FHAD1: variants seen among roughly 807,000 people sequenced by gnomAD.
FHAD1 encodes forkhead associated phosphopeptide binding domain 1.
Under a neutral mutation model 191.3 loss-of-function variants are expected in FHAD1, and 146 were observed. That is an observed-to-expected ratio of 0.76 (90% CI 0.67 to 0.88). FHAD1 has a LOEUF of 0.88. Ranked by LOEUF, FHAD1 falls within the 40% of genes least tolerant of loss-of-function variation. The pLI is 0.00. For synonymous variants in FHAD1, 616 were observed against 672.3 expected (o/e 0.92, Z 1.29); for missense variants, 1,635 against 1,785.8 (o/e 0.92, Z 1.52).
intron 24 of FHAD1, among the ~76,000 whole-genome samples, chr1:15,366,574 TC>T (rs2102764181): frequency 6.6e-6 from 1 of 152,338 alleles, no homozygotes; most frequent in African/African-American, 2.4e-5. Flanking sequence ...TCCTGGGATC[TC>T]CCTGCAGCAG....
intron 32 of FHAD1, 73 bp from the exon 33 acceptor site, chr1:15,391,137 T>C (rs745795431): frequency 1.1e-5 from 9 of 849,662 alleles, no homozygotes; most frequent in Non-Finnish European, 1.4e-5. Flanking sequence ...TGGAGAAAAA[T>C]CCATTTTTCT....
At chr1:15,244,085 G>A (rs764552690), upstream of FHAD1, among the ~76,000 whole-genome samples, 6 of 151,512 alleles carry the variant, frequency 4.0e-5, no homozygotes, top group East Asian at 3.9e-4. This position sits in a 1 kb window ranked among gnomAD's most constrained non-coding sequence, Gnocchi z 5.1. Context: ...TTTTAATGCC[G>A]CATCACTGTT....
intron 16 of FHAD1, among the ~76,000 whole-genome samples, chr1:15,343,014 T>C (rs1687366863): frequency 6.6e-6 from 1 of 151,220 alleles, no homozygotes; most frequent in African/African-American, 2.4e-5. Flanking sequence ...CCCAGGCTGG[T>C]CTCAGACTCC....
At chr1:15,297,996 G>C (rs1667487553) in intron 5 of FHAD1, among the ~76,000 whole-genome samples, 1 of 152,040 alleles carries the variant, frequency 6.6e-6, no homozygotes, top group South Asian at 2.1e-4. Flanking sequence ...TAAAAACAGA[G>C]CCACCATTTG....
chr1:15,254,783 A>G (rs923104029), intron 2 of FHAD1, among the ~76,000 whole-genome samples: 1 of 152,194 alleles, frequency 6.6e-6, no homozygotes, highest in African/African-American at 2.4e-5. Context: ...TTGTGAATAG[A>G]CTTTTAATGG....
At chr1:15,292,950 T>C (rs960841552) in intron 4 of FHAD1, among the ~76,000 whole-genome samples, 1 of 152,312 alleles carries the variant, frequency 6.6e-6, no homozygotes, top group South Asian at 2.1e-4. Flanking sequence ...AATTAAACAT[T>C]TAATAAAGTA....
chr1:15,354,439 G>T (rs1224193466), intron 20 of FHAD1, among the ~76,000 whole-genome samples: 1 of 152,244 alleles, frequency 6.6e-6, no homozygotes, highest in Non-Finnish European at 1.5e-5. Flanking sequence ...GTTGGGTGAA[G>T]TGATGCCGGA....
chr1:15,372,906 CTTG>C (rs1558260606), intron 26 of FHAD1, among the ~76,000 whole-genome samples: 3 of 152,230 alleles, frequency 2.0e-5, no homozygotes, highest in African/African-American at 7.2e-5. Flanking sequence ...ATATTTTCAC[CTTG>C]TTGTCTGTCT....
At chr1:15,305,718 T>C (rs1670256205) in intron 6 of FHAD1, 5 of 439,524 alleles carry the variant, frequency 1.1e-5, no homozygotes, top group South Asian at 6.4e-5. Flanking sequence ...TTATCAGGGG[T>C]TTCCGCTTTT....
At chr1:15,380,823 T>A in intron 29 of FHAD1, 27 bp downstream of exon 29, 2 of 1,541,470 alleles carry the variant, frequency 1.3e-6, no homozygotes, top group Non-Finnish European at 1.8e-6. Flanking sequence ...TCCACCCTGC[T>A]CCTATCCAAA....
In FHAD1 at chr1:15,329,256, CAG is replaced by C; in HGVS notation, c.1711-87_1711-86del. 1 of 1,089,278 alleles carries C rather than the reference CAG, an allele frequency of 9.2e-7. No individual in the cohort carries two copies. The highest frequency in any genetic ancestry group is 1.3e-6 in the Non-Finnish European group (1 of 787,570). 67.5% of individuals were successfully genotyped at this position (1,089,278 alleles called of 1,614,324 possible). ...ATACGTGGCGCTGCCTGCTTCGTGG[CAG>C]AGTCAAGAACGCTGTTCCTCGAAGG... is the stretch of plus-strand genomic sequence containing the variant. On this transcript the variant is annotated intron_variant, in intron 13 of 33. Transcript: ENST00000688493. This position sits in a 1 kb window ranked among gnomAD's most constrained non-coding sequence, Gnocchi z 5.0.
intron 4 of FHAD1, among the ~76,000 whole-genome samples, chr1:15,296,288 C>G (rs1558034422): frequency 6.9e-6 from 1 of 145,432 alleles, no homozygotes; most frequent in African/African-American, 2.6e-5. Context: ...GAGTCTCGCT[C>G]TGTCACCCAG....
rs1358329794 is a variant in FHAD1, at chr1:15,393,098, A to G, written c.4323+1835A>G. The stretch of plus-strand genomic sequence containing the variant: ...TTTTTTTTTTTTTTTTTTTTGAGAC[A>G]GAGTCTTGCTCTATTGCCCAGGCTA... On this transcript the variant is annotated intron_variant, in intron 33 of 33. Transcript: ENST00000688493. 6 of 140,504 alleles carry G rather than the reference A, an allele frequency of 4.3e-5. No individual in the cohort carries two copies. The South Asian group carries it at 1.1e-3, about 26-fold the overall frequency. 8.7% of individuals were successfully genotyped at this position (140,504 alleles called of 1,614,324 possible).
upstream of FHAD1, among the ~76,000 whole-genome samples, chr1:15,243,045 A>AC (rs369593086): frequency 1.2e-3 from 186 of 152,070 alleles, no homozygotes; most frequent in African/African-American, 3.1e-3. Context: ...GTACAGACAG[A>AC]CCCCCCCACA....
intron 2 of FHAD1, among the ~76,000 whole-genome samples, chr1:15,254,209 G>A (rs1385292967): frequency 6.6e-6 from 1 of 152,194 alleles, no homozygotes; most frequent in Non-Finnish European, 1.5e-5. Flanking sequence ...GGTAGAAACA[G>A]TGATCTCTGT....
At chr1:15,347,134 C>T (rs1202001162) in intron 18 of FHAD1, among the ~76,000 whole-genome samples, 1 of 152,216 alleles carries the variant, frequency 6.6e-6, no homozygotes, top group Non-Finnish European at 1.5e-5. Context: ...ACAGGTGTGC[C>T]CTGCAGCCCT....
In FHAD1 at chr1:15,316,314, C is replaced by T. The variant is rs1674431628; in HGVS notation, c.1171-64C>T. ...GCTCACATGGGGCCTTGGAGCCCCT[C>T]CTTCCCCCGACAACCCTACCTGGCC... On this transcript the variant is annotated intron_variant, in intron 8 of 33. Transcript: ENST00000688493. The surrounding 1 kb of genome is among the most constrained non-coding windows in gnomAD (Gnocchi z 4.3). The T allele has an allele frequency of 7.5e-6, 10 of 1,340,616 alleles. No homozygotes were observed. The highest frequency in any genetic ancestry group is 1.0e-5 in the Non-Finnish European group (10 of 958,382). 83.0% of individuals were successfully genotyped at this position (1,340,616 alleles called of 1,614,324 possible).
intron 33 of FHAD1, 50 bp from the exon 34 acceptor site, chr1:15,397,246 TG>T: frequency 2.4e-6 from 2 of 829,402 alleles, no homozygotes. Context: ...GTGGAACAAT[TG>T]GAGTCTTGCT....
chr1:15,401,353 C>T (rs1160665310), downstream of FHAD1, among the ~76,000 whole-genome samples: 3 of 152,214 alleles, frequency 2.0e-5, no homozygotes, highest in Admixed American at 2.0e-4. Flanking sequence ...ACACAGCCCC[C>T]ACCCACTACT....
Sources: allele counts gnomAD v4.1 joint callset (sites outside exome capture counted in the v4.1 genomes callset), GRCh38; gene constraint gnomAD v4.1.1; non-coding constraint Gnocchi (gnomAD v3.1); transcripts MANE v1.5; gene names NCBI Gene and HGNC (gene_info 2026-07-23, HGNC 2026-07-21).